VPS13D: variants seen among roughly 807,000 people sequenced by gnomAD.
The protein encoded by VPS13D is intermembrane lipid transfer protein VPS13D.
VPS13D carries 187 observed loss-of-function variants against 461.9 expected under a neutral mutation model. The ratio of observed to expected loss-of-function variants is 0.40; its 90% CI spans 0.36 to 0.46. The LOEUF (loss-of-function observed/expected upper bound fraction) is 0.46. Ranked by LOEUF, VPS13D falls within the 20% of genes least tolerant of loss-of-function variation. The probability of loss-of-function intolerance (pLI) is 0.60; values close to 1 mark genes in which losing one functional copy is unlikely to be tolerated. For missense variants in VPS13D, 4,711 were observed against 5,364.9 expected (o/e 0.88, Z 3.81); for synonymous variants, 1,951 against 1,986.3 (o/e 0.98, Z 0.47).
At position 12,356,472 on chromosome 1, in the gene VPS13D, C is replaced by G; in HGVS notation, c.9946C>G (p.Arg3316Gly). The change falls in exon 49 of 70, where the codon CGT becomes GGT. Residue 3316 changes from arginine (R) to glycine (G), a missense_variant. Arg to Gly is a moderately radical substitution (Grantham distance 125). Transcript: ENST00000620676. The stretch of plus-strand genomic sequence containing the variant: ...CCAGTTTGAGGAGCATGAGCTGGCC[C>G]GTAGCCTGAGTCCTCTCTTATTCTG... ...AGQFEEHELA[R>G]SLSPLLFCYA... The G allele has an allele frequency of 6.2e-7, 1 of 1,614,070 alleles. No homozygotes were observed. The highest frequency in any genetic ancestry group is 8.5e-7 in the Non-Finnish European group (1 of 1,180,014).
At chr1:12,484,660 G>A (rs1226448627) in intron 67 of VPS13D, among the ~76,000 whole-genome samples, 2 of 152,226 alleles carry the variant, frequency 1.3e-5, no homozygotes, top group South Asian at 2.1e-4. Context: ...CAGTGCAGCT[G>A]TAGAGACATA....
chr1:12,334,241 A>C (rs1335489804), intron 38 of VPS13D, among the ~76,000 whole-genome samples: 1 of 152,192 alleles, frequency 6.6e-6, no homozygotes, highest in African/African-American at 2.4e-5. Context: ...TCATCCACTA[A>C]TTTGCCTAGT....
intron 6 of VPS13D, among the ~76,000 whole-genome samples, chr1:12,253,062 G>T (rs1640790867): frequency 4.0e-5 from 6 of 151,690 alleles, no homozygotes; most frequent in Admixed American, 3.9e-4. Flanking sequence ...GGAGGCTGAG[G>T]CAGGAGAATC....
intron 55 of VPS13D, among the ~76,000 whole-genome samples, chr1:12,377,440 A>G (rs1242158769): frequency 2.0e-5 from 3 of 152,194 alleles, no homozygotes; most frequent in Non-Finnish European, 2.9e-5. Context: ...GACTTCTAGT[A>G]TATAATGGAT....
chr1:12,257,178 C>A, intron 9 of VPS13D, 91 bp downstream of exon 9: 2 of 1,153,284 alleles, frequency 1.7e-6, no homozygotes, highest in South Asian at 2.6e-5. Context: ...TGTCCTTTAC[C>A]CATGTTTGGA....
At position 12,230,115 on chromosome 1, in the gene VPS13D, C is replaced by G. The variant is rs576139085; in HGVS notation, c.-82C>G. 1 of 151,908 alleles carries G rather than the reference C, an allele frequency of 6.6e-6. No homozygotes were observed. The highest frequency in any genetic ancestry group is 2.4e-5 in the African/African-American group (1 of 41,398). The allele number at this position is 151,908 out of a possible 1,614,324, so 9.4% of individuals were successfully genotyped here. On this transcript the variant is annotated 5_prime_UTR_variant, in exon 1 of 70. Coordinates refer to ENST00000620676, the MANE Select transcript of VPS13D (RefSeq NM_015378.4). ...GGCTGGGGCGGGCGGCCCGGGACAC[C>G]GACAGGTAGGGGCCGAGCGGCTCCG...
chr1:12,236,056 C>T (rs1361116921), intron 2 of VPS13D, among the ~76,000 whole-genome samples: 1 of 152,220 alleles, frequency 6.6e-6, no homozygotes, highest in Non-Finnish European at 1.5e-5. Context: ...CTTGTAACAA[C>T]TGTGTTTATC....
intron 65 of VPS13D, among the ~76,000 whole-genome samples, chr1:12,418,842 T>TC (rs1257188539): frequency 6.6e-6 from 1 of 152,054 alleles, no homozygotes; most frequent in Non-Finnish European, 1.5e-5. Context: ...TCAAACCCCA[T>TC]CAGGGCCAGT....
Position 12,308,645 on chromosome 1 carries a change from A to T in VPS13D, c.6650+4A>T, listed in dbSNP as rs878969873. 2 of 1,576,740 alleles carry T rather than the reference A, an allele frequency of 1.3e-6. No individual in the cohort carries two copies. The highest frequency in any genetic ancestry group is 1.7e-6 in the Non-Finnish European group (2 of 1,153,346). ...AGGTGGAAAGGAATTTGGACAAGTG[A>T]GTGTTTTTTTTTTTTTTTGAGATGG... is the stretch of plus-strand genomic sequence containing the variant. On this transcript the variant is annotated splice_donor_region_variant and intron_variant, in intron 27 of 69. Transcript: ENST00000620676.
chr1:12,231,546 T>C (rs559979854), intron 1 of VPS13D, among the ~76,000 whole-genome samples: 23 of 152,206 alleles, frequency 1.5e-4, no homozygotes, highest in Non-Finnish European at 3.1e-4. Context: ...TAATTGGCAC[T>C]CAGAGTTGGC....
chr1:12,426,626 A>G (rs1445181809), intron 65 of VPS13D, among the ~76,000 whole-genome samples: 1 of 152,138 alleles, frequency 6.6e-6, no homozygotes, highest in Non-Finnish European at 1.5e-5. Flanking sequence ...CAGTTCTGCT[A>G]ACAGATTGGC....
chr1:12,271,162 G>C (rs1310829765), intron 17 of VPS13D, 38 bp downstream of exon 17: 1 of 1,612,084 alleles, frequency 6.2e-7, no homozygotes, highest in East Asian at 2.2e-5. Flanking sequence ...GGGGATTGGG[G>C]AAGGGGCAGG....
chr1:12,421,145 A>G (rs986928164), intron 65 of VPS13D, among the ~76,000 whole-genome samples: 1 of 152,164 alleles, frequency 6.6e-6, no homozygotes, highest in African/African-American at 2.4e-5. Context: ...TCATCTCCCA[A>G]CGCTAGAAAT....
intron 24 of VPS13D, among the ~76,000 whole-genome samples, chr1:12,294,639 C>T (rs183216838): frequency 6.6e-6 from 1 of 151,780 alleles, no homozygotes; most frequent in Non-Finnish European, 1.5e-5. Flanking sequence ...ATGACGAAAC[C>T]CCGTCTTTAC....
intron 58 of VPS13D, 22 bp from the exon 59 acceptor site, chr1:12,385,238 G>C: frequency 6.3e-7 from 1 of 1,586,852 alleles, no homozygotes; most frequent in African/African-American, 1.3e-5. Context: ...TCATCTTCTT[G>C]TGGTGTTTTA....
intron 5 of VPS13D, among the ~76,000 whole-genome samples, chr1:12,247,502 CA>C (rs906795895): frequency 9.3e-5 from 14 of 150,074 alleles, no homozygotes; most frequent in Non-Finnish European, 7.4e-5. Flanking sequence ...AAAAAAAACC[CA>C]AAAAAAACCC....
intron 24 of VPS13D, among the ~76,000 whole-genome samples, chr1:12,296,521 G>C (rs759561410): frequency 2.0e-5 from 3 of 151,924 alleles, no homozygotes; most frequent in Non-Finnish European, 2.9e-5. Flanking sequence ...ATCTTGCTTT[G>C]CATTTTTCAT....
rs751397700 is a variant in VPS13D at position 12,333,246 on chromosome 1, C to A, written c.8308C>A (p.Pro2770Thr). The change falls in exon 38 of 70, where the codon CCT becomes ACT. Residue 2770 changes from proline to threonine, a missense_variant. Physicochemically the swap from Pro to Thr is conservative, Grantham distance 38. Transcript: ENST00000620676. Reference protein sequence around the residue: ...ALSGWEPFIEPWPCSVSWQQQ... With the variant: ...ALSGWEPFIETWPCSVSWQQQ... Reference sequence around the variant, plus strand: ...TTTAGGCTGGGAGCCATTTATTGAGCCTTGGCCATGCTCTGTATCCTGGCA... The same window carrying A: ...TTTAGGCTGGGAGCCATTTATTGAGACTTGGCCATGCTCTGTATCCTGGCA... 2.5e-6 allele frequency: 4 copies of A among 1,613,968 alleles called. No individual in the cohort carries two copies. The highest frequency in any genetic ancestry group is 2.2e-5 in the East Asian group (1 of 44,886).
intron 47 of VPS13D, 24 bp downstream of exon 47, chr1:12,354,245 T>A (rs1209872186): frequency 5.0e-6 from 8 of 1,611,834 alleles, no homozygotes; most frequent in Non-Finnish European, 5.9e-6. Context: ...CAGATGATCA[T>A]TTGTCATAAT....
Sources: gnomAD v4.1 joint callset for allele counts (sites outside exome capture counted in the v4.1 genomes callset) on GRCh38, gnomAD v4.1.1 for gene constraint, MANE v1.5 for transcripts, NCBI Gene and HGNC (gene_info 2026-07-23, HGNC 2026-07-21) for gene names.